The following KCNH4 variants were observed in gnomAD, a reference collection of about 807,000 sequenced individuals.
KCNH4 encodes the protein potassium voltage-gated channel subfamily H member 4.
Under a neutral mutation model 90.7 loss-of-function variants are expected in KCNH4, and 33 were observed. That is an observed-to-expected ratio of 0.36 (90% CI 0.28 to 0.49). The LOEUF (loss-of-function observed/expected upper bound fraction) is 0.49. Ranked by LOEUF, KCNH4 falls within the 20% of genes least tolerant of loss-of-function variation. The probability of loss-of-function intolerance (pLI) is 0.98; values close to 1 mark genes in which losing one functional copy is unlikely to be tolerated. For missense variants in KCNH4, 1,044 were observed against 1,387.1 expected, an observed-to-expected ratio of 0.75 and a Z score of 3.93; for synonymous variants, 551 against 581.7, an observed-to-expected ratio of 0.95 and a Z score of 0.76.
chr17:42,176,119 T>C lies in KCNH4; in HGVS notation c.764A>G (p.Asp255Gly). The change falls in exon 5 of 17, where the codon GAC (aspartate) becomes GGC (glycine). Residue 255 changes from aspartate to glycine, a missense_variant. Asp to Gly is a moderately conservative substitution (Grantham distance 94). This residue lies in a region of KCNH4 where 283 missense variants were observed against 378.6 expected (regional missense o/e 0.75). Transcript: ENST00000264661. ...PYNVCFSGDD[D>G]TPITSRHTLV... is the part of the protein sequence containing the mutation. ...GGTGTGTCGCGAAGTGATGGGGGTG[T>C]CATCGTCACCCGAGAAACAGACATT... 6.2e-7 allele frequency: 1 copy of C among 1,613,472 alleles called. No homozygotes were observed. The highest frequency in any genetic ancestry group is 8.5e-7 in the Non-Finnish European group (1 of 1,179,686).
Position 42,163,412 on chromosome 17 carries a change from G to A in KCNH4, c.2478-78C>T. On this transcript the variant is annotated intron_variant, in intron 13 of 16. Coordinates refer to ENST00000264661, the MANE Select transcript of KCNH4 (RefSeq NM_012285.3). The surrounding 1 kb of genome is among the most constrained non-coding windows in gnomAD (Gnocchi z 5.4). ...GCAGAGCAGACAGAGGGGGACTGGGGGCAGCAGTGCCAGGGGGCGGAGCAA... is the reference window on the plus strand; with the variant it reads ...GCAGAGCAGACAGAGGGGGACTGGGAGCAGCAGTGCCAGGGGGCGGAGCAA... The A allele has an allele frequency of 2.8e-6, 3 of 1,081,412 alleles. No individual in the cohort carries two copies. The highest frequency in any genetic ancestry group is 4.2e-6 in the Non-Finnish European group (3 of 719,152). The allele number at this position is 1,081,412 out of a possible 1,614,324, so 67.0% of individuals were successfully genotyped here.
chr17:42,169,893 G>A (rs1323727965), intron 8 of KCNH4, among the ~76,000 whole-genome samples: 1 of 152,200 alleles, frequency 6.6e-6, no homozygotes, highest in Non-Finnish European at 1.5e-5. Context: ...ATGAACCTGG[G>A]TTTCCCATCC....
rs1439487681 is a variant in KCNH4 at position 42,180,053 on chromosome 17, C to T, written c.76+817G>A. Reference sequence around the variant, plus strand: ...GGGCTCTGGGCACAGCCTCCTTCTTCCATCCCAGGGCCTGTTGCCCCGGTG... The same window carrying T: ...GGGCTCTGGGCACAGCCTCCTTCTTTCATCCCAGGGCCTGTTGCCCCGGTG... On this transcript the variant is annotated intron_variant, in intron 1 of 16. Coordinates refer to ENST00000264661, the MANE Select transcript of KCNH4 (RefSeq NM_012285.3). The surrounding 1 kb of genome is among the most constrained non-coding windows in gnomAD (Gnocchi z 4.7). Among the ~76,000 whole-genome samples, 2 of 152,252 alleles carry T rather than the reference C, an allele frequency of 1.3e-5. No individual in the cohort carries two copies. The highest frequency in any genetic ancestry group is 2.9e-5 in the Non-Finnish European group (2 of 68,038).
intron 1 of KCNH4, 127 bp from the exon 2 acceptor site, chr17:42,179,153 T>C (rs776349247): frequency 1.5e-6 from 1 of 645,626 alleles, no homozygotes; most frequent in Non-Finnish European, 2.7e-6. Flanking sequence ...TCCATGTTGC[T>C]CCTGACCCCA....
chr17:42,176,116 G>T lies in KCNH4; in HGVS notation c.767C>A (p.Thr256Asn), dbSNP rs201395423. The T allele has an allele frequency of 6.2e-6, 10 of 1,613,852 alleles. No homozygotes were observed. The highest frequency in any genetic ancestry group is 4.5e-5 in the East Asian group (2 of 44,868). Residue 256 changes from threonine to asparagine, a missense_variant, in exon 5 of 17, where the codon ACC becomes AAC. Thr to Asn is a moderately conservative substitution (Grantham distance 65). Transcript: ENST00000264661. ...AAGGGTGTGTCGCGAAGTGATGGGG[G>T]TGTCATCGTCACCCGAGAAACAGAC... ...YNVCFSGDDD[T>N]PITSRHTLVS...
At chr17:42,166,594 C>G (rs752260160) in intron 9 of KCNH4, 48 bp from the exon 10 acceptor site, 4 of 1,572,148 alleles carry the variant, frequency 2.5e-6, no homozygotes, top group Admixed American at 1.7e-5. Flanking sequence ...GCAGCTACTA[C>G]TTGAGTCTAC....
At position 42,160,373 on chromosome 17, in the gene KCNH4, C is replaced by G; in HGVS notation, c.2721G>C (p.Leu907=). 1.9e-6 allele frequency: 3 copies of G among 1,613,872 alleles called. No individual in the cohort carries two copies. Among genetic ancestry groups the G allele is most frequent in the Non-Finnish European group, 2.5e-6 (3 of 1,179,864 alleles). Residue 907 remains leucine, a synonymous_variant, in exon 16 of 17, where the codon CTG becomes CTC. Transcript: ENST00000264661. ...LSRELRHIMG[L]LQARLGPPGH... ...CTGGGGGACCCAGCCTGGCCTGCAG[C>G]AGGCCCATGATGTGCCGCAGCTCCC...
intron 7 of KCNH4, among the ~76,000 whole-genome samples, 193 bp downstream of exon 7, chr17:42,171,595 C>G (rs1033073152): frequency 2.6e-5 from 4 of 152,096 alleles, no homozygotes; most frequent in African/African-American, 7.2e-5. Context: ...TGAGTTCCCC[C>G]CAACCTGCCC....
intron 6 of KCNH4, among the ~76,000 whole-genome samples, 187 bp from the exon 7 acceptor site, chr17:42,172,182 CA>C (rs1051490587): frequency 2.0e-5 from 3 of 151,702 alleles, no homozygotes; most frequent in Admixed American, 1.3e-4. Context: ...ATAAAACAAA[CA>C]GTGGCTAACA....
chr17:42,171,690 G>A (rs1305306650), intron 7 of KCNH4, 98 bp downstream of exon 7: 1 of 1,040,590 alleles, frequency 9.6e-7, no homozygotes, highest in Non-Finnish European at 1.5e-6. Flanking sequence ...ATGGATAGAG[G>A]AATGTGGGAT....
At chr17:42,164,364 C>G (rs1161333812) in intron 11 of KCNH4, among the ~76,000 whole-genome samples, 196 bp from the exon 12 acceptor site, 2 of 152,178 alleles carry the variant, frequency 1.3e-5, no homozygotes, top group Admixed American at 1.3e-4. Flanking sequence ...AGACCAAGGC[C>G]CAAGGTGTAA....
intron 4 of KCNH4, 120 bp from the exon 5 acceptor site, chr17:42,176,417 A>T (rs537170069): frequency 1.1e-6 from 1 of 910,580 alleles, no homozygotes; most frequent in Non-Finnish European, 1.7e-6. Context: ...ACTTTTGACC[A>T]TGAATGAAAG....
Position 42,163,155 on chromosome 17 carries a change from A to G in KCNH4, c.2584+73T>C. On this transcript the variant is annotated intron_variant, in intron 14 of 16. Coordinates refer to ENST00000264661, the MANE Select transcript of KCNH4 (RefSeq NM_012285.3). The surrounding 1 kb of genome is among the most constrained non-coding windows in gnomAD (Gnocchi z 5.4). ...GGCACCTGGCACATGGTAGGCCCCT[A>G]CTACATATGGGATGGATGGACAGGT... 9.6e-7 allele frequency: 1 copy of G among 1,040,572 alleles called. No individual in the cohort carries two copies. The highest frequency in any genetic ancestry group is 1.5e-6 in the Non-Finnish European group (1 of 661,432). The allele number at this position is 1,040,572 out of a possible 1,614,324, so 64.5% of individuals were successfully genotyped here.
intron 1 of KCNH4, 73 bp from the exon 2 acceptor site, chr17:42,179,099 C>G: frequency 8.9e-7 from 1 of 1,117,838 alleles, no homozygotes; most frequent in Non-Finnish European, 1.3e-6. Flanking sequence ...AGCACTTCCT[C>G]TAAGTTGGGG....
intron 9 of KCNH4, among the ~76,000 whole-genome samples, chr17:42,166,787 T>C (rs936623161): frequency 2.6e-5 from 4 of 152,180 alleles, no homozygotes; most frequent in Non-Finnish European, 5.9e-5. Flanking sequence ...TGTGGCTACA[T>C]GCTGGTCACT....
chr17:42,165,721 C>T, intron 10 of KCNH4, 28 bp from the exon 11 acceptor site: 1 of 1,612,710 alleles, frequency 6.2e-7, no homozygotes, highest in African/African-American at 1.3e-5. Flanking sequence ...GGACAGTCAG[C>T]TGGGGCAGTG....
rs562186209 is a variant in KCNH4, at chr17:42,166,232, A to G, written c.1840+65T>C. On this transcript the variant is annotated intron_variant, in intron 10 of 16. Coordinates refer to ENST00000264661, the MANE Select transcript of KCNH4 (RefSeq NM_012285.3). ...TTCCCTAGAATCCTGGCCATTCCCA[A>G]GTCCTCAGTGGGGGTTGCGGGGGGT... 674 of 1,512,268 alleles carry G rather than the reference A, an allele frequency of 4.5e-4. 1 individual carries two copies. In the African/African-American group the frequency reaches 6.9e-3, roughly 15 times the overall value. The allele number at this position is 1,512,268 out of a possible 1,614,324, so 93.7% of individuals were successfully genotyped here. A position where few individuals can be genotyped will look rare whatever the true frequency, so the allele number is the denominator to read the frequency against.
At position 42,180,955 on chromosome 17, in the gene KCNH4, G is replaced by A. The variant is rs2144147237; in HGVS notation, c.-10C>T. The A allele has an allele frequency of 6.2e-7, 1 of 1,611,572 alleles. No individual in the cohort carries two copies. The highest frequency in any genetic ancestry group is 8.5e-7 in the Non-Finnish European group (1 of 1,178,898). ...CCTTCATGACCGGCATGGCCCCGGG[G>A]CGTGGGTTCAAGGCGCGGCGCTGGG... On this transcript the variant is annotated 5_prime_UTR_variant, in exon 1 of 17. Coordinates refer to ENST00000264661, the MANE Select transcript of KCNH4 (RefSeq NM_012285.3). This position sits in a 1 kb window ranked among gnomAD's most constrained non-coding sequence, Gnocchi z 4.7.
At position 42,172,303 on chromosome 17, in the gene KCNH4, A is replaced by G. The variant is rs533464981; in HGVS notation, c.988-308T>C. 5.3e-5 allele frequency among the ~76,000 whole-genome samples: 8 copies of G among 151,730 alleles called. No homozygotes were observed. The East Asian group carries it at 1.6e-3, about 29-fold the overall frequency. On this transcript the variant is annotated intron_variant, in intron 6 of 16. Coordinates refer to ENST00000264661, the MANE Select transcript of KCNH4 (RefSeq NM_012285.3). ...CTGCAACCTCTGCCTCCCAGGTTCA[A>G]GCGATTCAAGGCTGCCTCAGCCTCC...
Sources: gnomAD v4.1 joint callset for allele counts (sites outside exome capture counted in the v4.1 genomes callset) on GRCh38, gnomAD v4.1.1 for gene constraint, gnomAD v4.1.1 regional missense constraint, Gnocchi (gnomAD v3.1) non-coding constraint, MANE v1.5 for transcripts, NCBI Gene and HGNC (gene_info 2026-07-23, HGNC 2026-07-21) for gene names.